Variants in KCNH1 observed in about 807,000 individuals in gnomAD.
KCNH1 encodes voltage-gated delayed rectifier potassium channel KCNH1.
A neutral mutation model predicts 69.2 loss-of-function variants in KCNH1; 27 were observed. The ratio of observed to expected loss-of-function variants is 0.39; its 90% confidence interval spans 0.29 to 0.54. KCNH1 has a LOEUF of 0.54. Ranked by LOEUF, KCNH1 falls within the 20% of genes least tolerant of loss-of-function variation. The pLI, the probability that KCNH1 is intolerant of heterozygous loss-of-function variation, is 0.68. For missense variants in KCNH1, 798 were observed against 1,261.6 expected (o/e 0.63, Z 5.57); for synonymous variants, 456 against 487.7 (o/e 0.93, Z 0.86).
chr1:210,887,673 A>T (rs973497918), intron 7 of KCNH1, among the ~76,000 whole-genome samples: 1 of 145,646 alleles, frequency 6.9e-6, no homozygotes, highest in African/African-American at 2.5e-5. Flanking sequence ...AGATGCACAT[A>T]GGCTCAAAAT....
At chr1:210,735,611 C>T (rs1294085213) in intron 10 of KCNH1, among the ~76,000 whole-genome samples, 1 of 152,048 alleles carries the variant, frequency 6.6e-6, no homozygotes, top group African/African-American at 2.4e-5. Context: ...CAGTCCCTAA[C>T]CTAGTGCTGC....
chr1:211,055,368 C>T (rs1690285348), intron 5 of KCNH1, among the ~76,000 whole-genome samples: 1 of 152,154 alleles, frequency 6.6e-6, no homozygotes, highest in South Asian at 2.1e-4. Context: ...GAATTCAGAC[C>T]AGCCCCAACC....
Position 210,735,844 on chromosome 1 carries a change from G to A in KCNH1, c.2112+39504C>T, listed in dbSNP as rs570625375. On this transcript the variant is annotated intron_variant, in intron 10 of 10. Coordinates refer to ENST00000271751, the MANE Select transcript of KCNH1 (RefSeq NM_172362.3). ...ACAGAGAGAGAGAGAGAGAGAGAGC[G>A]CACAAGAGAGAGTACACTTCAGCTA... Among the ~76,000 whole-genome samples the A allele has an allele frequency of 1.9e-4, 29 of 151,070 alleles. 1 individual carries two copies. The South Asian group carries it at 4.4e-3, about 23-fold the overall frequency.
At chr1:210,987,151 T>G (rs936436502) in intron 6 of KCNH1, among the ~76,000 whole-genome samples, 2 of 152,232 alleles carry the variant, frequency 1.3e-5, no homozygotes. Flanking sequence ...CTTTAAGGAC[T>G]TCTCTGCATT....
At chr1:210,800,698 C>T (rs887928175) in intron 8 of KCNH1, among the ~76,000 whole-genome samples, 2 of 152,108 alleles carry the variant, frequency 1.3e-5, no homozygotes, top group African/African-American at 4.8e-5. Flanking sequence ...CTCTGAGATC[C>T]CACAGCCGGC....
At chr1:210,888,610 T>C (rs1553356119) in intron 7 of KCNH1, among the ~76,000 whole-genome samples, 1 of 152,044 alleles carries the variant, frequency 6.6e-6, no homozygotes, top group Non-Finnish European at 1.5e-5. Context: ...AAAAAATCAA[T>C]GAATCCAGGA....
At chr1:210,962,097 C>T (rs866571111) in intron 6 of KCNH1, among the ~76,000 whole-genome samples, 3 of 152,158 alleles carry the variant, frequency 2.0e-5, no homozygotes, top group South Asian at 2.1e-4. Context: ...AACTTTCTCT[C>T]TGTGCAATTT....
chr1:210,754,707 C>T (rs1032209292), intron 10 of KCNH1, among the ~76,000 whole-genome samples: 10 of 152,094 alleles, frequency 6.6e-5, no homozygotes, highest in Non-Finnish European at 1.3e-4. Context: ...TCCCCAGAAG[C>T]CAAGCAGATG....
chr1:210,841,365 G>C (rs1293533126), intron 7 of KCNH1, among the ~76,000 whole-genome samples: 1 of 152,164 alleles, frequency 6.6e-6, no homozygotes, highest in African/African-American at 2.4e-5. Flanking sequence ...CTAGCCATGA[G>C]TTTCTGGGAT....
intron 10 of KCNH1, among the ~76,000 whole-genome samples, chr1:210,733,947 T>TCACACACACA (rs5780602): frequency 9.1e-5 from 13 of 142,198 alleles, no homozygotes; most frequent in African/African-American, 3.4e-4. Flanking sequence ...TGTCTGTCTG[T>TCACACACACA]CTCACACACA....
At chr1:210,980,362 T>A (rs1415081365) in intron 6 of KCNH1, among the ~76,000 whole-genome samples, 1 of 152,172 alleles carries the variant, frequency 6.6e-6, no homozygotes, top group African/African-American at 2.4e-5. Flanking sequence ...GATAACAGGA[T>A]TTGCTGCCTT....
chr1:211,117,223 C>T (rs1035730574), intron 1 of KCNH1, among the ~76,000 whole-genome samples: 6 of 152,198 alleles, frequency 3.9e-5, no homozygotes, highest in African/African-American at 1.4e-4. Flanking sequence ...CTCAGGTCTC[C>T]TACTCTATGT....
chr1:210,979,015 CT>C (rs1284136923), intron 6 of KCNH1, among the ~76,000 whole-genome samples: 15 of 152,336 alleles, frequency 9.8e-5, no homozygotes, highest in Admixed American at 9.1e-4. Context: ...AATATGCTCA[CT>C]TTAATCACTC....
At chr1:210,809,914 C>T (rs902691028) in intron 7 of KCNH1, among the ~76,000 whole-genome samples, 3 of 152,092 alleles carry the variant, frequency 2.0e-5, no homozygotes, top group African/African-American at 7.2e-5. Context: ...TCTGAAGTCC[C>T]CTTGGCCAAG....
intron 10 of KCNH1, among the ~76,000 whole-genome samples, chr1:210,737,316 T>C (rs2884390): frequency 0.62 from 94,997 of 152,024 alleles, 30,253 homozygotes; most frequent in East Asian, 0.87. Context: ...AAAAGGTAGA[T>C]TTCTGTGGTC....
intron 6 of KCNH1, among the ~76,000 whole-genome samples, chr1:210,955,812 T>C (rs945005251): frequency 6.6e-6 from 1 of 152,194 alleles, no homozygotes; most frequent in Admixed American, 6.5e-5. Flanking sequence ...GCTGAGATGA[T>C]GGGGTTTTCT....
intron 7 of KCNH1, among the ~76,000 whole-genome samples, chr1:210,896,813 GA>G (rs536644530): frequency 1.3e-5 from 2 of 150,460 alleles, no homozygotes; most frequent in South Asian, 4.2e-4. Flanking sequence ...ATAAAAGTAA[GA>G]AAAAAAAACA....
At chr1:210,794,962 T>G (rs1191152778) in intron 9 of KCNH1, among the ~76,000 whole-genome samples, 1 of 152,188 alleles carries the variant, frequency 6.6e-6, no homozygotes, top group African/African-American at 2.4e-5. Flanking sequence ...TTTGCCTTCA[T>G]GAGTCCTATT....
chr1:211,088,415 T>G (rs1690993270), intron 4 of KCNH1, among the ~76,000 whole-genome samples: 1 of 152,152 alleles, frequency 6.6e-6, no homozygotes, highest in Non-Finnish European at 1.5e-5. Flanking sequence ...GGATCTAGAT[T>G]TGATCCCTGT....
Sources: allele counts gnomAD v4.1 joint callset (sites outside exome capture counted in the v4.1 genomes callset), GRCh38; gene constraint gnomAD v4.1.1; transcripts MANE v1.5; gene names NCBI Gene and HGNC (gene_info 2026-07-23, HGNC 2026-07-21).